The following ADGRL3 variants were observed in gnomAD, a reference collection of about 807,000 sequenced individuals.
ADGRL3 encodes the protein calcium-independent alpha-latrotoxin receptor 3.
In ADGRL3, 62 loss-of-function variants were observed where a neutral mutation model predicts 153.5. The observed-to-expected ratio is 0.40, with a 90% CI of 0.33 to 0.50. The LOEUF is 0.50. Among genes scored for constraint, ADGRL3 ranks in the 20% least tolerant of loss-of-function variants. ADGRL3 has a pLI of 0.47. For missense variants in ADGRL3, 1,641 were observed against 1,859.4 expected (o/e 0.88, Z 2.16); for synonymous variants, 710 against 672.5 (o/e 1.06, Z -0.86).
At chr4:61,925,845 A>T (rs1394925513) in intron 13 of ADGRL3, among the ~76,000 whole-genome samples, 1 of 152,212 alleles carries the variant, frequency 6.6e-6, no homozygotes, top group East Asian at 1.9e-4. Context: ...ACTATATGTG[A>T]ATATCAGATA....
At chr4:61,608,466 A>T (rs2099041223) in intron 5 of ADGRL3, among the ~76,000 whole-genome samples, 1 of 152,118 alleles carries the variant, frequency 6.6e-6, no homozygotes, top group Admixed American at 6.5e-5. Context: ...ACAAATAAAA[A>T]CTGAGGCGAA....
At chr4:61,318,061 C>T (rs930171864) in intron 1 of ADGRL3, among the ~76,000 whole-genome samples, 8 of 151,528 alleles carry the variant, frequency 5.3e-5, no homozygotes, top group Admixed American at 4.0e-4. Flanking sequence ...TCTGTAGTCC[C>T]AGCTGCTTGG....
At chr4:61,533,997 A>G (rs570554077) in intron 4 of ADGRL3, among the ~76,000 whole-genome samples, 1 of 152,150 alleles carries the variant, frequency 6.6e-6, no homozygotes, top group Admixed American at 6.6e-5. Context: ...TTTGCTTTTG[A>G]GGTCTTAGTC....
In ADGRL3 at chr4:61,733,343, G is replaced by A. The variant is rs756464885; in HGVS notation, c.1188G>A (p.Glu396=). 5.6e-6 allele frequency: 9 copies of A among 1,613,630 alleles called. No homozygotes were observed. The East Asian group carries it at 8.9e-5, about 16-fold the overall frequency. ...GILYVVKSVY[E]DDDNEATGNK... Reference sequence around the variant, plus strand: ...TGTATGTGGTCAAATCTGTATATGAGGATGATGACAATGAGGCTACTGGAA... The same window carrying A: ...TGTATGTGGTCAAATCTGTATATGAAGATGATGACAATGAGGCTACTGGAA... Residue 396 remains glutamate, a synonymous_variant, in exon 8 of 27, where the codon GAG becomes GAA. Coordinates refer to ENST00000683033, the MANE Select transcript of ADGRL3 (RefSeq NM_001387552.1).
intron 1 of ADGRL3, among the ~76,000 whole-genome samples, chr4:61,327,441 T>A (rs2095488579): frequency 1.3e-5 from 2 of 151,936 alleles, no homozygotes; most frequent in African/African-American, 4.8e-5. Flanking sequence ...AATGAAGTGC[T>A]AGGAATTGGA....
chr4:61,440,161 A>G (rs1002517155), intron 2 of ADGRL3, among the ~76,000 whole-genome samples: 5 of 151,952 alleles, frequency 3.3e-5, no homozygotes, highest in Non-Finnish European at 7.4e-5. Flanking sequence ...CGATTCTCCC[A>G]TCTCAGCCCC....
At chr4:61,317,918 G>A (rs2095260876) in intron 1 of ADGRL3, among the ~76,000 whole-genome samples, 1 of 152,080 alleles carries the variant, frequency 6.6e-6, no homozygotes, top group South Asian at 2.1e-4. Context: ...GCTCACGCCT[G>A]TAATCCCAGC....
At position 61,855,132 on chromosome 4, in the gene ADGRL3, A is replaced by G. The variant is rs537565029; in HGVS notation, c.1481-37524A>G. Among the ~76,000 whole-genome samples, 12 of 152,346 alleles carry G rather than the reference A, an allele frequency of 7.9e-5. 1 individual carries two copies. In the South Asian group the frequency reaches 2.3e-3, roughly 29 times the overall value. On this transcript the variant is annotated intron_variant, in intron 9 of 26. Coordinates refer to ENST00000683033, the MANE Select transcript of ADGRL3 (RefSeq NM_001387552.1). ...TGAAATTTTAAAAACTATGGAGTTT[A>G]GTTAATGATAACTTACGAGTATTGG... is the stretch of plus-strand genomic sequence containing the variant.
intron 6 of ADGRL3, among the ~76,000 whole-genome samples, chr4:61,681,777 T>A (rs1290765231): frequency 6.6e-6 from 1 of 152,132 alleles, no homozygotes; most frequent in Non-Finnish European, 1.5e-5. Context: ...GAGTGCATAT[T>A]TAAATGTGTA....
chr4:61,927,509 C>T (rs2098799515), intron 13 of ADGRL3, among the ~76,000 whole-genome samples: 1 of 151,936 alleles, frequency 6.6e-6, no homozygotes, highest in Admixed American at 6.6e-5. Flanking sequence ...CTTGAAAATG[C>T]CAGCACTTCA....
At chr4:61,386,522 ATACT>A (rs2096738063) in intron 2 of ADGRL3, among the ~76,000 whole-genome samples, 2 of 152,178 alleles carry the variant, frequency 1.3e-5, no homozygotes, top group Admixed American at 1.3e-4. Context: ...AGCAGGGTTT[ATACT>A]CATGGTCAAT....
intron 1 of ADGRL3, among the ~76,000 whole-genome samples, chr4:61,278,565 A>C (rs1374925906): frequency 1.3e-5 from 2 of 151,994 alleles, no homozygotes; most frequent in East Asian, 1.9e-4. Flanking sequence ...GTGCTGTGGC[A>C]TGATCTCAGC....
At chr4:61,679,695 A>T (rs1419359358) in intron 6 of ADGRL3, among the ~76,000 whole-genome samples, 1 of 152,178 alleles carries the variant, frequency 6.6e-6, no homozygotes, top group Non-Finnish European at 1.5e-5. Context: ...AGGAAACTGA[A>T]GTTCAGTAGA....
chr4:61,896,259 A>G (rs1254848983), intron 11 of ADGRL3, among the ~76,000 whole-genome samples: 1 of 151,152 alleles, frequency 6.6e-6, no homozygotes, highest in Non-Finnish European at 1.5e-5. Context: ...ATAAAAATAT[A>G]CACATGTGTG....
chr4:61,866,249 T>C (rs1373034343), intron 9 of ADGRL3, among the ~76,000 whole-genome samples: 1 of 152,154 alleles, frequency 6.6e-6, no homozygotes, highest in East Asian at 1.9e-4. Context: ...GTACTAAGCT[T>C]CCATGAATCC....
chr4:62,031,889 G>C (rs1348752966), intron 23 of ADGRL3, among the ~76,000 whole-genome samples: 1 of 150,510 alleles, frequency 6.6e-6, no homozygotes, highest in Non-Finnish European at 1.5e-5. Flanking sequence ...TATTCCCATT[G>C]GTGGCCAAAT....
intron 15 of ADGRL3, among the ~76,000 whole-genome samples, chr4:61,946,153 A>T (rs1049547614): frequency 9.2e-5 from 14 of 152,208 alleles, no homozygotes; most frequent in African/African-American, 3.4e-4. Context: ...ATATTTTTCC[A>T]AACAGTTGAA....
At chr4:61,649,266 T>C (rs1015654362) in intron 5 of ADGRL3, among the ~76,000 whole-genome samples, 5 of 152,096 alleles carry the variant, frequency 3.3e-5, no homozygotes, top group African/African-American at 9.6e-5. Context: ...TAAGATAGTA[T>C]GATAACCAGA....
chr4:61,558,095 C>T (rs1163953436), intron 4 of ADGRL3, among the ~76,000 whole-genome samples: 1 of 146,846 alleles, frequency 6.8e-6, no homozygotes, highest in Non-Finnish European at 1.5e-5. Flanking sequence ...TGAGATACTT[C>T]TCTGTGAAAT....
Sources: allele counts gnomAD v4.1 joint callset (sites outside exome capture counted in the v4.1 genomes callset), GRCh38; gene constraint gnomAD v4.1.1; transcripts MANE v1.5; gene names NCBI Gene and HGNC (gene_info 2026-07-23, HGNC 2026-07-21).